The following ZNF638 variants were observed in gnomAD, a reference collection of about 807,000 sequenced individuals.
The protein encoded by ZNF638 is CTCL tumor antigen se33-1.
Under a neutral mutation model 195.6 loss-of-function variants are expected in ZNF638, and 46 were observed. The observed-to-expected ratio is 0.24, with a 90% CI of 0.19 to 0.30. ZNF638 has a LOEUF of 0.30. ZNF638 is among the 10% of genes least tolerant of loss of function. The probability of loss-of-function intolerance (pLI) is 1.00; values close to 1 mark genes in which losing one functional copy is unlikely to be tolerated. For missense variants in ZNF638, 2,440 were observed against 2,325.3 expected (o/e 1.05, Z -1.01); for synonymous variants, 845 against 772.0 (o/e 1.09, Z -1.57).
chr2:71,426,852 A>G lies in ZNF638; in HGVS notation c.4983A>G (p.Lys1661=), dbSNP rs574235503. The G allele has an allele frequency of 1.2e-6, 2 of 1,614,054 alleles. No homozygotes were observed. The highest frequency in any genetic ancestry group is 1.7e-5 in the Admixed American group (1 of 60,010). The change falls in exon 24 of 28, where the codon AAA becomes AAG. Residue 1661 remains lysine (K), a synonymous_variant. Coordinates refer to ENST00000264447, the MANE Select transcript of ZNF638 (RefSeq NM_014497.5). ...ATTGCATTTCCCACAGTGAACCTAAAGATGTTACTGTTCTGTCAGTGGCTG... is the reference window on the plus strand; with the variant it reads ...ATTGCATTTCCCACAGTGAACCTAAGGATGTTACTGTTCTGTCAGTGGCTG... The part of the protein sequence containing the change: ...QDDCISHSEP[K]DVTVLSVAEE...
Position 71,434,825 on chromosome 2 carries a change from A to G in ZNF638, c.*18A>G. On this transcript the variant is annotated 3_prime_UTR_variant, in exon 28 of 28. Transcript: ENST00000264447. ...CTAGGTGATTGGGGGAAAGGAAAGA[A>G]TTCACTAGAAATTTGTTTAGGGTCC... 3.8e-6 allele frequency: 6 copies of G among 1,579,682 alleles called. No homozygotes were observed. Among genetic ancestry groups the G allele is most frequent in the Non-Finnish European group, 5.1e-6 (6 of 1,166,260 alleles).
intron 6 of ZNF638, 50 bp downstream of exon 6, chr2:71,365,756 A>G (rs1391318865): frequency 6.7e-7 from 1 of 1,490,840 alleles, no homozygotes; most frequent in African/African-American, 1.4e-5. Flanking sequence ...TCACTCTGTC[A>G]TCCTCGCTGG....
intron 2 of ZNF638, among the ~76,000 whole-genome samples, chr2:71,355,158 CAG>C (rs1468498135): frequency 6.6e-6 from 1 of 151,950 alleles, no homozygotes; most frequent in African/African-American, 2.4e-5. Context: ...TTAGTAGAGA[CAG>C]GGTTTCACAG....
intron 8 of ZNF638, among the ~76,000 whole-genome samples, chr2:71,372,101 G>A (rs916903169): frequency 6.6e-6 from 1 of 152,124 alleles, no homozygotes; most frequent in African/African-American, 2.4e-5. Flanking sequence ...GTGAGAGATA[G>A]GGTTCAGGTT....
At chr2:71,370,423 G>T (rs568899881) in intron 8 of ZNF638, among the ~76,000 whole-genome samples, 8 of 152,136 alleles carry the variant, frequency 5.3e-5, no homozygotes, top group South Asian at 4.1e-4. Context: ...AAACAAAATC[G>T]TATAGTGTAC....
rs754330654 is a variant in ZNF638, at chr2:71,380,501, C to A, written c.2325-12C>A. 59 of 1,588,496 alleles carry A rather than the reference C, an allele frequency of 3.7e-5. 1 individual carries two copies. The South Asian group carries it at 5.4e-4, about 15-fold the overall frequency. Reference sequence around the variant, plus strand: ...CCTAAGTTGCTGCTAAATTTTTTCTCCTTTTAAATAGAAGAGATGCAGATG... The same window carrying A: ...CCTAAGTTGCTGCTAAATTTTTTCTACTTTTAAATAGAAGAGATGCAGATG... On this transcript the variant is annotated splice_polypyrimidine_tract_variant and intron_variant, in intron 9 of 27. Coordinates refer to ENST00000264447, the MANE Select transcript of ZNF638 (RefSeq NM_014497.5).
chr2:71,342,731 G>C (rs1378661504), intron 1 of ZNF638, among the ~76,000 whole-genome samples: 1 of 152,086 alleles, frequency 6.6e-6, no homozygotes, highest in Non-Finnish European at 1.5e-5. Flanking sequence ...GGTGTAGAGA[G>C]AGCAGAGGAT....
In ZNF638 at chr2:71,431,179, CT is replaced by C. The variant is rs2080649962; in HGVS notation, c.5651-146del. The C allele has an allele frequency of 4.9e-6, 3 of 612,042 alleles. No individual in the cohort carries two copies. In the African/African-American group the frequency reaches 5.6e-5, roughly 11 times the overall value. The allele number at this position is 612,042 out of a possible 1,614,324, so 37.9% of individuals were successfully genotyped here. On this transcript the variant is annotated intron_variant, in intron 25 of 27. Coordinates refer to ENST00000264447, the MANE Select transcript of ZNF638 (RefSeq NM_014497.5). ...CCATTTATTCCTTACATTAAAGAAT[CT>C]TGGAGAATATTGTGCAAAGAATGGC...
chr2:71,340,360 T>C (rs964724986), intron 1 of ZNF638, among the ~76,000 whole-genome samples: 2 of 152,240 alleles, frequency 1.3e-5, no homozygotes, highest in Non-Finnish European at 2.9e-5. Context: ...CAAAGACTAA[T>C]AGTAAAGAAG....
chr2:71,400,554 C>G, intron 15 of ZNF638, 36 bp downstream of exon 15: 1 of 1,534,596 alleles, frequency 6.5e-7, no homozygotes, highest in Non-Finnish European at 8.8e-7. Flanking sequence ...CTTTAAAGCT[C>G]AAGACATTTT....
At chr2:71,377,298 A>G (rs1322708548) in intron 8 of ZNF638, among the ~76,000 whole-genome samples, 1 of 152,140 alleles carries the variant, frequency 6.6e-6, no homozygotes, top group African/African-American at 2.4e-5. Context: ...CAGATTTCTA[A>G]TAAAACGCTT....
At chr2:71,360,660 C>T (rs1353313301) in intron 3 of ZNF638, among the ~76,000 whole-genome samples, 1 of 151,632 alleles carries the variant, frequency 6.6e-6, no homozygotes, top group African/African-American at 2.4e-5. Flanking sequence ...TGTTGAATGT[C>T]CCACTTCCTA....
At chr2:71,413,950 G>T (rs1431841708) in intron 20 of ZNF638, among the ~76,000 whole-genome samples, 1 of 31,976 alleles carries the variant, frequency 3.1e-5, no homozygotes, top group Admixed American at 4.5e-4. Flanking sequence ...TTTTTTGGTT[G>T]TGTCTCTGCC....
At chr2:71,410,268 C>G (rs2080185437) in intron 20 of ZNF638, among the ~76,000 whole-genome samples, 1 of 152,148 alleles carries the variant, frequency 6.6e-6, no homozygotes, top group South Asian at 2.1e-4. Flanking sequence ...ATGATTTAAA[C>G]CTTAACTCCT....
chr2:71,377,369 A>T (rs2079450511), intron 8 of ZNF638, among the ~76,000 whole-genome samples: 1 of 152,166 alleles, frequency 6.6e-6, no homozygotes, highest in African/African-American at 2.4e-5. Flanking sequence ...TTAAAACTTC[A>T]ATTCAGTGTT....
intron 21 of ZNF638, among the ~76,000 whole-genome samples, chr2:71,419,550 A>AT: frequency 6.6e-6 from 1 of 152,238 alleles, no homozygotes; most frequent in East Asian, 1.9e-4. Context: ...ACATTAAAAT[A>AT]TACCAGTAAC....
rs200649836 is a variant in ZNF638, at chr2:71,418,632, A to G, written c.3292A>G (p.Lys1098Glu). 2.3e-5 allele frequency: 36 copies of G among 1,563,894 alleles called. No homozygotes were observed. The highest frequency in any genetic ancestry group is 2.2e-5 in the Non-Finnish European group (26 of 1,155,604). ...VQIEHDPELE[K>E]ESPGLKNSPI... ...AATTGAGCATGACCCAGAATTAGAA[A>G]AAGAAAGGTATGTTGCTTTATGTTT... Residue 1098 changes from lysine to glutamate, a missense_variant, in exon 21 of 28, where the codon AAA becomes GAA. This residue lies in a region of ZNF638 where 1,883 missense variants were observed against 1,739.1 expected (regional missense o/e 1.08). Transcript: ENST00000264447.
chr2:71,402,900 T>C (rs2080035190), intron 16 of ZNF638, among the ~76,000 whole-genome samples: 1 of 152,130 alleles, frequency 6.6e-6, no homozygotes, highest in African/African-American at 2.4e-5. Flanking sequence ...TCCGAGCCAA[T>C]TTGCTTTAGA....
intron 2 of ZNF638, among the ~76,000 whole-genome samples, chr2:71,351,354 A>G (rs2078937328): frequency 6.6e-6 from 1 of 152,252 alleles, no homozygotes; most frequent in Admixed American, 6.5e-5. Flanking sequence ...AGAAAGCAGC[A>G]TTCTACCCCA....
Sources: gnomAD v4.1 joint callset for allele counts (sites outside exome capture counted in the v4.1 genomes callset) on GRCh38, gnomAD v4.1.1 for gene constraint, gnomAD v4.1.1 regional missense constraint, MANE v1.5 for transcripts, NCBI Gene and HGNC (gene_info 2026-07-23, HGNC 2026-07-21) for gene names.